ZNF718: variants seen among roughly 807,000 people sequenced by gnomAD.
ZNF718 encodes the protein zinc finger protein 718.
In ZNF718, 3 loss-of-function variants were observed where a neutral mutation model predicts 2.6. The ratio of observed to expected loss-of-function variants is 1.16; its 90% confidence interval spans 0.53 to 3.01. ZNF718 has a LOEUF of 3.01. ZNF718 is among the 30% of genes most tolerant of loss of function. The probability of loss-of-function intolerance (pLI) is 0.03; values close to 1 mark genes in which losing one functional copy is unlikely to be tolerated. For missense variants in ZNF718, 468 were observed against 230.0 expected, an observed-to-expected ratio of 2.03 and a Z score of -6.69; for synonymous variants, 135 against 77.9, an observed-to-expected ratio of 1.73 and a Z score of -3.86.
At chr4:191,297 C>T (rs1439387112) in intron 3 of ZNF718, among the ~76,000 whole-genome samples, 1 of 151,604 alleles carries the variant, frequency 6.6e-6, no homozygotes, top group Non-Finnish European at 1.5e-5. Flanking sequence ...TACAGGCACA[C>T]ACCACGACAC....
intron 3 of ZNF718, among the ~76,000 whole-genome samples, chr4:198,629 A>T (rs1717839191): frequency 6.6e-6 from 1 of 152,228 alleles, no homozygotes; most frequent in Non-Finnish European, 1.5e-5. Flanking sequence ...TTTGCCTACT[A>T]TAGGGATGAA....
chr4:167,675 G>A (rs1357906298), downstream of ZNF718, among the ~76,000 whole-genome samples: 2 of 152,108 alleles, frequency 1.3e-5, no homozygotes, highest in Non-Finnish European at 2.9e-5. Flanking sequence ...GTATAAGAAC[G>A]CTTGGGATTT....
intron 3 of ZNF718, among the ~76,000 whole-genome samples, chr4:184,563 T>G (rs75433628): frequency 0.13 from 20,055 of 152,144 alleles, 1,712 homozygotes; most frequent in Admixed American, 0.24. Flanking sequence ...TTTCATTTTT[T>G]CTGGCATAGT....
intron 3 of ZNF718, among the ~76,000 whole-genome samples, chr4:145,890 C>T (rs1553811179): frequency 6.6e-6 from 1 of 152,080 alleles, no homozygotes; most frequent in Non-Finnish European, 1.5e-5. Flanking sequence ...CAAAAGTTAC[C>T]TTCTATGTAT....
chr4:167,153 G>T (rs1385953285), downstream of ZNF718, among the ~76,000 whole-genome samples: 1 of 152,056 alleles, frequency 6.6e-6, no homozygotes, highest in African/African-American at 2.4e-5. Context: ...CAAAGATCAG[G>T]TGGTTGTAGA....
intron 3 of ZNF718, among the ~76,000 whole-genome samples, chr4:192,625 G>A (rs1236198121): frequency 6.6e-6 from 1 of 152,108 alleles, no homozygotes; most frequent in Non-Finnish European, 1.5e-5. Context: ...GCTGAACTGG[G>A]GCATAGTAGG....
intron 3 of ZNF718, among the ~76,000 whole-genome samples, chr4:193,363 C>G (rs538615525): frequency 6.6e-6 from 1 of 152,226 alleles, no homozygotes; most frequent in African/African-American, 2.4e-5. Context: ...GGTGTTCCCT[C>G]AGAAGTTAGG....
intron 3 of ZNF718, among the ~76,000 whole-genome samples, chr4:183,993 C>A (rs1020543856): frequency 6.6e-6 from 1 of 152,110 alleles, no homozygotes; most frequent in African/African-American, 2.4e-5. Context: ...TGTGACTACA[C>A]TTTATTTCTT....
intron 3 of ZNF718, among the ~76,000 whole-genome samples, chr4:191,712 G>A (rs1168994879): frequency 2.6e-5 from 4 of 152,056 alleles, no homozygotes; most frequent in African/African-American, 9.7e-5. Context: ...CATCAAAATG[G>A]GTAAGTTAAA....
chr4:134,610 G>A (rs1196349123), intron 3 of ZNF718, among the ~76,000 whole-genome samples: 2 of 152,002 alleles, frequency 1.3e-5, no homozygotes, highest in Non-Finnish European at 2.9e-5. Context: ...CCATTTATTT[G>A]TGTCTACTGA....
In ZNF718 at chr4:161,767, A is replaced by T. The variant is rs1553815352; in HGVS notation, c.1082A>T (p.His361Leu). Reference sequence around the variant, plus strand: ...ACTCTTACGACACATAAGAGAATCCATACTGGAGAGAAACCCTACACATGT... The same window carrying T: ...ACTCTTACGACACATAAGAGAATCCTTACTGGAGAGAAACCCTACACATGT... The part of the protein sequence containing the change: ...STTLTTHKRI[H>L]TGEKPYTCEE... Residue 361 changes from histidine (H) to leucine (L), a missense_variant, in exon 4 of 4, where the codon CAT (histidine) becomes CTT (leucine). Coordinates refer to ENST00000510175, the MANE Select transcript of ZNF718 (RefSeq NM_001039127.6). 1 of 780,662 alleles carries T rather than the reference A, an allele frequency of 1.3e-6. No homozygotes were observed. Among genetic ancestry groups the T allele is most frequent in the Admixed American group, 1.7e-5 (1 of 58,940 alleles). 48.4% of individuals were successfully genotyped at this position (780,662 alleles called of 1,614,324 possible).
chr4:140,890 T>C (rs1715782935), intron 3 of ZNF718, among the ~76,000 whole-genome samples: 1 of 152,234 alleles, frequency 6.6e-6, no homozygotes, highest in Admixed American at 6.5e-5. Flanking sequence ...TTTAAAATTA[T>C]TGGTGGAATA....
chr4:148,061 A>G (rs991403080), intron 3 of ZNF718, among the ~76,000 whole-genome samples: 3 of 152,160 alleles, frequency 2.0e-5, no homozygotes, highest in African/African-American at 7.2e-5. Context: ...GCTTCAGGAT[A>G]CACAGCTAAG....
intron 3 of ZNF718, among the ~76,000 whole-genome samples, chr4:152,155 A>G (rs1474296440): frequency 4.1e-5 from 6 of 147,972 alleles, no homozygotes; most frequent in Admixed American, 6.7e-5. Context: ...ATCTCAGTAG[A>G]TGGAGCATAC....
intron 3 of ZNF718, among the ~76,000 whole-genome samples, chr4:178,313 A>AT (rs2108812511): frequency 6.6e-6 from 1 of 151,886 alleles, no homozygotes; most frequent in South Asian, 2.1e-4. Context: ...TAATTTTTGT[A>AT]TTTTTTGTAG....
intron 3 of ZNF718, among the ~76,000 whole-genome samples, chr4:198,841 T>C (rs1387595388): frequency 6.6e-6 from 1 of 152,230 alleles, no homozygotes; most frequent in Non-Finnish European, 1.5e-5. Context: ...CATAATAGTC[T>C]ATATTAACTG....
At position 161,898 on chromosome 4, in the gene ZNF718, A is replaced by G. The variant is rs377315159; in HGVS notation, c.1213A>G (p.Lys405Glu). ...YKCEDCGKAFKVFANLHNHKK... is the reference protein window; with the variant it reads ...YKCEDCGKAFEVFANLHNHKK... The stretch of plus-strand genomic sequence containing the variant: ...ATGTGAAGATTGTGGCAAAGCCTTT[A>G]AAGTGTTTGCAAACCTGCATAATCA... Residue 405 changes from lysine (K) to glutamate (E), a missense_variant, in exon 4 of 4, where the codon AAA becomes GAA. By Grantham distance (56) the Lys-to-Glu change is moderately conservative. Coordinates refer to ENST00000510175, the MANE Select transcript of ZNF718 (RefSeq NM_001039127.6). 1,123 of 780,284 alleles carry G rather than the reference A, an allele frequency of 1.4e-3. 22 individuals carry two copies. The South Asian group carries it at 0.014, about 10-fold the overall frequency. The allele number at this position is 780,284 out of a possible 1,614,324, so 48.3% of individuals were successfully genotyped here.
chr4:181,133 T>TACAG (rs1717454143), intron 3 of ZNF718, among the ~76,000 whole-genome samples: 1 of 146,244 alleles, frequency 6.8e-6, no homozygotes, highest in South Asian at 2.2e-4. Flanking sequence ...GAGCTGGGAC[T>TACAG]ACAGGCCTGT....
chr4:168,793 C>G (rs1717151958), downstream of ZNF718, among the ~76,000 whole-genome samples: 1 of 152,140 alleles, frequency 6.6e-6, no homozygotes, highest in African/African-American at 2.4e-5. Context: ...TTGATCTTTT[C>G]AAAAAACCAG....
Sources: allele counts gnomAD v4.1 joint callset (sites outside exome capture counted in the v4.1 genomes callset), GRCh38; gene constraint gnomAD v4.1.1; transcripts MANE v1.5; gene names NCBI Gene and HGNC (gene_info 2026-07-23, HGNC 2026-07-21).